The following NUP210L variants were observed in gnomAD, a reference collection of about 807,000 sequenced individuals.
NUP210L encodes nuclear pore membrane glycoprotein 210-like.
A neutral mutation model predicts 208.5 loss-of-function variants in NUP210L; 74 were observed. The ratio of observed to expected loss-of-function variants is 0.35; its 90% CI spans 0.29 to 0.43. The LOEUF (loss-of-function observed/expected upper bound fraction) is 0.43, where lower values mean the gene tolerates loss of function less well. Ranked by LOEUF, NUP210L falls within the 20% of genes least tolerant of loss-of-function variation. NUP210L has a pLI of 1.00. For missense variants in NUP210L, 1,843 were observed against 2,289.4 expected, an observed-to-expected ratio of 0.81 and a Z score of 3.98; for synonymous variants, 780 against 816.9, an observed-to-expected ratio of 0.95 and a Z score of 0.77.
intron 16 of NUP210L, chr1:154,080,041 A>G (rs952142688): frequency 6.6e-6 from 1 of 152,216 alleles, no homozygotes; most frequent in Non-Finnish European, 1.5e-5. Context: ...CAGTTAAAAT[A>G]GTACACTAGA....
rs757259526 is a variant in NUP210L, at chr1:154,154,957, C to T, written c.88G>A (p.Val30Ile). Residue 30 changes from valine (V) to isoleucine (I), a missense_variant, in exon 1 of 40, where the codon GTT becomes ATT. By Grantham distance (29) the Val-to-Ile change is conservative. This residue lies in a region of NUP210L where 542 missense variants were observed against 606.4 expected (regional missense o/e 0.89). Coordinates refer to ENST00000368559, the Ensembl canonical transcript of NUP210L. ...TTGTTGGCCAGGGTCCCACGCAAAA[C>T]CAGAAACAACAACAGGAGGCGGTGT... 5.0e-6 allele frequency: 8 copies of T among 1,614,076 alleles called. No individual in the cohort carries two copies. In the Admixed American group the frequency reaches 6.7e-5, roughly 13 times the overall value.
intron 35 of NUP210L, among the ~76,000 whole-genome samples, chr1:154,007,229 G>T: frequency 6.6e-6 from 1 of 150,388 alleles, no homozygotes; most frequent in East Asian, 2.0e-4. Flanking sequence ...TCCCAAAATG[G>T]TGGATTACAG....
chr1:154,148,639 T>C (rs1417558990), intron 2 of NUP210L, among the ~76,000 whole-genome samples: 1 of 152,242 alleles, frequency 6.6e-6, no homozygotes, highest in Admixed American at 6.5e-5. Flanking sequence ...TTCTGTATTA[T>C]CTTTACATCT....
chr1:154,049,146 T>C (rs1244848670), intron 25 of NUP210L, among the ~76,000 whole-genome samples: 2 of 152,188 alleles, frequency 1.3e-5, no homozygotes, highest in African/African-American at 4.8e-5. Context: ...ACCCGCTCAA[T>C]TTAACATAGT....
intron 7 of NUP210L, among the ~76,000 whole-genome samples, chr1:154,132,871 A>G (rs1157789542): frequency 6.6e-6 from 1 of 152,210 alleles, no homozygotes; most frequent in Non-Finnish European, 1.5e-5. Flanking sequence ...GCTGCTAACT[A>G]ACAATATTAT....
chr1:154,038,174 CCAGGTTGGATTA>C (rs768161926), intron 27 of NUP210L, among the ~76,000 whole-genome samples: 7 of 151,576 alleles, frequency 4.6e-5, no homozygotes, highest in Admixed American at 1.3e-4. Context: ...GCTATGTTGC[CCAGGTTGGATTA>C]CAGTGGTGCA....
At chr1:154,019,753 C>T in intron 32 of NUP210L, among the ~76,000 whole-genome samples, 1 of 152,094 alleles carries the variant, frequency 6.6e-6, no homozygotes, top group South Asian at 2.1e-4. Context: ...ATGGTGAAAC[C>T]CCATCCTACT....
At chr1:154,000,695 C>G (rs11264824) in intron 37 of NUP210L, among the ~76,000 whole-genome samples, 161 bp downstream of exon 37, 2 of 152,218 alleles carry the variant, frequency 1.3e-5, no homozygotes, top group Admixed American at 1.3e-4. Context: ...GAACAGTGCA[C>G]AATTTAAACT....
intron 10 of NUP210L, among the ~76,000 whole-genome samples, 194 bp from the exon 11 acceptor site, chr1:154,119,002 G>A (rs1441643888): frequency 6.6e-6 from 1 of 151,988 alleles, no homozygotes; most frequent in Admixed American, 6.6e-5. Context: ...TAATGAAAAT[G>A]AAATAATAAT....
At chr1:154,055,219 CTCTTTCTT>C (rs778867875) in intron 23 of NUP210L, among the ~76,000 whole-genome samples, 25 of 142,218 alleles carry the variant, frequency 1.8e-4, no homozygotes, top group Non-Finnish European at 3.1e-4. Context: ...CTCTCCCTCT[CTCTTTCTT>C]TCTTTCTTTC....
intron 32 of NUP210L, among the ~76,000 whole-genome samples, chr1:154,019,655 G>A (rs1288873250): frequency 2.6e-5 from 4 of 152,080 alleles, no homozygotes; most frequent in East Asian, 1.9e-4. Flanking sequence ...GGCCGGGCAC[G>A]GTGGCTCATG....
At chr1:154,064,381 C>G (rs1654290431) in intron 17 of NUP210L, among the ~76,000 whole-genome samples, 1 of 152,064 alleles carries the variant, frequency 6.6e-6, no homozygotes, top group African/African-American at 2.4e-5. Context: ...GGCATGAGGG[C>G]TTGTTGCCTT....
intron 3 of NUP210L, among the ~76,000 whole-genome samples, chr1:154,141,746 C>T (rs1658861014): frequency 6.6e-6 from 1 of 152,130 alleles, no homozygotes. Flanking sequence ...GTAAAAAGGG[C>T]TCAAGCTGAT....
chr1:154,004,188 C>T (rs1643964653), intron 35 of NUP210L, among the ~76,000 whole-genome samples: 1 of 151,552 alleles, frequency 6.6e-6, no homozygotes, highest in African/African-American at 2.4e-5. Context: ...TCTGCCTCAG[C>T]CTCCCGAGTA....
rs543880875 is a variant in NUP210L at position 154,010,693 on chromosome 1, A to AAACC, written c.4781-576_4781-573dup. On this transcript the variant is annotated intron_variant, in intron 34 of 39. Transcript: ENST00000368559. ...CGAGACCAGCCTGACCAACATGGAG[A>AAACC]AACCCCGTCTCTACTAAAAATACAA... 2.6e-3 allele frequency among the ~76,000 whole-genome samples: 402 copies of AAACC among 152,134 alleles called. 3 individuals carry two copies. Among genetic ancestry groups the AAACC allele is most frequent in the African/African-American group, 9.2e-3 (380 of 41,494 alleles).
At chr1:154,047,879 C>T (rs1653274798) in intron 25 of NUP210L, among the ~76,000 whole-genome samples, 2 of 152,060 alleles carry the variant, frequency 1.3e-5, no homozygotes, top group Non-Finnish European at 2.9e-5. Context: ...GGGGCTCCAA[C>T]CTGGGTCAAA....
chr1:154,062,665 G>A (rs1654204489), intron 17 of NUP210L, among the ~76,000 whole-genome samples: 1 of 128,206 alleles, frequency 7.8e-6, no homozygotes, highest in Non-Finnish European at 1.5e-5. Flanking sequence ...ACAATTTACT[G>A]CAACCTCTAC....
chr1:154,021,494 T>TA lies in NUP210L; in HGVS notation c.4516+631dup, dbSNP rs549683495. Among the ~76,000 whole-genome samples, 271 of 140,710 alleles carry TA rather than the reference T, an allele frequency of 1.9e-3. 2 individuals carry two copies. The highest frequency in any genetic ancestry group is 7.8e-3 in the South Asian group (35 of 4,488). 92.3% of individuals were successfully genotyped at this position (140,710 alleles called of 152,430 possible). A position where few individuals can be genotyped will look rare whatever the true frequency, so the allele number is the denominator to read the frequency against. On this transcript the variant is annotated intron_variant, in intron 32 of 39. Transcript: ENST00000368559. ...GAATGACAGAGTGAGACTCTGTCTC[T>TA]AAAAAAAAAAACAAAACAAAGTATA...
chr1:154,113,985 A>G (rs551585740), intron 12 of NUP210L, among the ~76,000 whole-genome samples: 106 of 151,984 alleles, frequency 7.0e-4, no homozygotes, highest in African/African-American at 2.3e-3. Flanking sequence ...TCTACTAAAA[A>G]TACAAAAATT....
Sources: allele counts gnomAD v4.1 joint callset (sites outside exome capture counted in the v4.1 genomes callset), GRCh38; gene constraint gnomAD v4.1.1; regional missense constraint gnomAD v4.1.1; transcripts MANE v1.5; gene names NCBI Gene and HGNC (gene_info 2026-07-23, HGNC 2026-07-21).